Variants in PRICKLE1 observed in about 807,000 individuals in gnomAD.
PRICKLE1 encodes the protein prickle-like protein 1.
PRICKLE1 carries 14 observed loss-of-function variants against 70.2 expected under a neutral mutation model. That is an observed-to-expected ratio of 0.20 (90% CI 0.13 to 0.31). The LOEUF is 0.31. PRICKLE1 is among the 10% of genes least tolerant of loss of function. The pLI is 1.00. For synonymous variants in PRICKLE1, 357 were observed against 379.9 expected (o/e 0.94, Z 0.70); for missense variants, 821 against 1,026.2 (o/e 0.80, Z 2.73).
At chr12:42,530,047 A>C (rs2120537889) in intron 1 of PRICKLE1, among the ~76,000 whole-genome samples, 1 of 151,508 alleles carries the variant, frequency 6.6e-6, no homozygotes, top group South Asian at 2.1e-4. Flanking sequence ...AGGTTCAAGC[A>C]ATTCTCCCAC....
Position 42,464,741 on chromosome 12 carries a change from C to T in PRICKLE1, c.1293G>A (p.Gln431=). Residue 431 remains glutamine, a synonymous_variant, in exon 7 of 8, where the codon CAG becomes CAA. Transcript: ENST00000345127. This position sits in a 1 kb window ranked among gnomAD's most constrained non-coding sequence, Gnocchi z 4.2. The part of the protein sequence containing the change: ...KFGDKSLFQP[Q]PNEMDIRASE... ...TGGCTCGAATATCCATCTCATTGGG[C>T]TGTGGCTGAAAGAGGCTTTTATCAC... 1 of 1,614,088 alleles carries T rather than the reference C, an allele frequency of 6.2e-7. No individual in the cohort carries two copies. The highest frequency in any genetic ancestry group is 8.5e-7 in the Non-Finnish European group (1 of 1,180,018).
At chr12:42,541,300 T>C (rs1472725629) in intron 1 of PRICKLE1, among the ~76,000 whole-genome samples, 3 of 152,122 alleles carry the variant, frequency 2.0e-5, no homozygotes, top group Admixed American at 2.0e-4. Flanking sequence ...GGTTTGGTTG[T>C]TGTTTCCTAT....
chr12:42,543,127 C>T (rs1182772902), intron 1 of PRICKLE1, among the ~76,000 whole-genome samples: 2 of 152,288 alleles, frequency 1.3e-5, no homozygotes, highest in South Asian at 2.1e-4. Context: ...AGTCTTCAGC[C>T]CTGTGAGAAA....
intron 1 of PRICKLE1, among the ~76,000 whole-genome samples, chr12:42,561,260 T>A (rs1940508423): frequency 6.6e-6 from 1 of 152,242 alleles, no homozygotes; most frequent in African/African-American, 2.4e-5. Context: ...GCGAAAGATC[T>A]ATTTTTAAAA....
At chr12:42,560,122 A>ATTC (rs1331078631) in intron 1 of PRICKLE1, among the ~76,000 whole-genome samples, 2 of 83,822 alleles carry the variant, frequency 2.4e-5, no homozygotes, top group Non-Finnish European at 4.3e-5. Context: ...TATTATTATT[A>ATTC]TTATTATTAT....
intron 1 of PRICKLE1, among the ~76,000 whole-genome samples, chr12:42,528,487 C>A (rs1488864376): frequency 6.6e-6 from 1 of 152,136 alleles, no homozygotes; most frequent in Non-Finnish European, 1.5e-5. Flanking sequence ...AAGAAGTCTT[C>A]ATTTTAATAA....
At chr12:42,517,408 G>A (rs1390149083) in intron 1 of PRICKLE1, among the ~76,000 whole-genome samples, 1 of 143,212 alleles carries the variant, frequency 7.0e-6, no homozygotes, top group East Asian at 2.1e-4. Flanking sequence ...TGCCTCCCAG[G>A]TTCATGCCAT....
At position 42,464,156 on chromosome 12, in the gene PRICKLE1, G is replaced by C. The variant is rs558927382; in HGVS notation, c.1639+239C>G. On this transcript the variant is annotated intron_variant, in intron 7 of 7. Transcript: ENST00000345127. The surrounding 1 kb of genome is among the most constrained non-coding windows in gnomAD (Gnocchi z 4.2). ...CAATTCTCTTGCCTCAGCCTCCCGA[G>C]TAGCTGGGATCACAGGCCCATGCCC... 3.3e-5 allele frequency among the ~76,000 whole-genome samples: 5 copies of C among 152,126 alleles called. No individual in the cohort carries two copies. Among genetic ancestry groups the C allele is most frequent in the Non-Finnish European group, 7.4e-5 (5 of 68,016 alleles).
chr12:42,470,194 C>G, intron 3 of PRICKLE1, 52 bp downstream of exon 3: 1 of 1,280,454 alleles, frequency 7.8e-7, no homozygotes, highest in East Asian at 2.3e-5. Flanking sequence ...CTCAATGCTT[C>G]TCATGCATTT....
At chr12:42,509,051 T>C (rs1046733287) in intron 1 of PRICKLE1, among the ~76,000 whole-genome samples, 1 of 152,190 alleles carries the variant, frequency 6.6e-6, no homozygotes, top group Non-Finnish European at 1.5e-5. Context: ...GTAGAAACAA[T>C]TGCATGTGGT....
chr12:42,525,632 C>T (rs1177535703), intron 1 of PRICKLE1, among the ~76,000 whole-genome samples: 2 of 152,028 alleles, frequency 1.3e-5, no homozygotes, highest in African/African-American at 4.8e-5. Flanking sequence ...GAGAAATTTC[C>T]ACACACTTCC....
chr12:42,461,028 T>C (rs1937812669), intron 7 of PRICKLE1, among the ~76,000 whole-genome samples: 1 of 152,154 alleles, frequency 6.6e-6, no homozygotes, highest in African/African-American at 2.4e-5. Flanking sequence ...ATTACAGGCA[T>C]GTGCCACCAC....
At chr12:42,567,607 C>T (rs925659054) in intron 1 of PRICKLE1, among the ~76,000 whole-genome samples, 2 of 152,096 alleles carry the variant, frequency 1.3e-5, no homozygotes, top group African/African-American at 4.8e-5. Context: ...GCAGATGGAT[C>T]ACCTGAGTTC....
chr12:42,578,951 C>T (rs758588060), intron 1 of PRICKLE1, among the ~76,000 whole-genome samples: 3 of 151,906 alleles, frequency 2.0e-5, no homozygotes, highest in Non-Finnish European at 2.9e-5. Context: ...TTAGTAGAAA[C>T]GGGGTTTCAC....
intron 1 of PRICKLE1, among the ~76,000 whole-genome samples, chr12:42,522,608 A>G (rs1194636477): frequency 1.3e-5 from 2 of 152,238 alleles, no homozygotes; most frequent in African/African-American, 4.8e-5. Context: ...AGATCTGTGT[A>G]CATTGGCTGT....
At chr12:42,501,583 T>G (rs1284811219) in intron 1 of PRICKLE1, among the ~76,000 whole-genome samples, 1 of 151,642 alleles carries the variant, frequency 6.6e-6, no homozygotes, top group African/African-American at 2.4e-5. Flanking sequence ...ATGATCATCT[T>G]CTTGCCTTTC....
chr12:42,577,157 C>G (rs139946161), intron 1 of PRICKLE1, among the ~76,000 whole-genome samples: 2 of 152,196 alleles, frequency 1.3e-5, no homozygotes, highest in Non-Finnish European at 2.9e-5. Flanking sequence ...AGTGAACATG[C>G]TAATTTGAGT....
chr12:42,517,461 C>T (rs558606049), intron 1 of PRICKLE1, among the ~76,000 whole-genome samples: 75 of 151,892 alleles, frequency 4.9e-4, no homozygotes, highest in African/African-American at 1.6e-3. Context: ...TACAGGCGCC[C>T]GCCACCACGC....
intron 1 of PRICKLE1, chr12:42,484,010 GTAAAAA>G (rs1377699369): frequency 2.6e-5 from 1 of 37,890 alleles, no homozygotes; most frequent in African/African-American, 1.1e-4. Flanking sequence ...AGAGCCCGCA[GTAAAAA>G]AAAAAAAAAA....
Sources: gnomAD v4.1 joint callset for allele counts (sites outside exome capture counted in the v4.1 genomes callset) on GRCh38, gnomAD v4.1.1 for gene constraint, Gnocchi (gnomAD v3.1) non-coding constraint, MANE v1.5 for transcripts, NCBI Gene and HGNC (gene_info 2026-07-23, HGNC 2026-07-21) for gene names.